WWTR1: variants seen among roughly 807,000 people sequenced by gnomAD.
WWTR1 encodes the protein WW domain-containing transcription regulator protein 1.
Under a neutral mutation model 40.1 loss-of-function variants are expected in WWTR1, and 13 were observed. That is an observed-to-expected ratio of 0.32 (90% CI 0.21 to 0.52). WWTR1 has a LOEUF of 0.52. Among genes scored for constraint, WWTR1 ranks in the 20% least tolerant of loss-of-function variants. WWTR1 has a pLI of 0.97. For synonymous variants in WWTR1, 230 were observed against 210.1 expected (o/e 1.09, Z -0.82); for missense variants, 436 against 523.1 (o/e 0.83, Z 1.63).
At chr3:149,577,717 C>T (rs1737952072) in intron 2 of WWTR1, among the ~76,000 whole-genome samples, 1 of 152,110 alleles carries the variant, frequency 6.6e-6, no homozygotes, top group Non-Finnish European at 1.5e-5. Flanking sequence ...ATATTTTCCT[C>T]CAGAAAGACG....
chr3:149,591,859 C>T (rs1232178823), intron 2 of WWTR1, among the ~76,000 whole-genome samples: 1 of 152,028 alleles, frequency 6.6e-6, no homozygotes, highest in Admixed American at 6.6e-5. Flanking sequence ...CAAATGTTAT[C>T]ATATGTTGCC....
intron 2 of WWTR1, among the ~76,000 whole-genome samples, chr3:149,645,175 GT>G (rs1712432942): frequency 6.6e-6 from 1 of 151,826 alleles, no homozygotes; most frequent in Non-Finnish European, 1.5e-5. Flanking sequence ...TGCCTCCCAG[GT>G]TCGCGCCATT....
At chr3:149,640,250 C>T (rs535169478) in intron 2 of WWTR1, among the ~76,000 whole-genome samples, 70 of 152,242 alleles carry the variant, frequency 4.6e-4, no homozygotes, top group African/African-American at 1.7e-3. Context: ...ACCCAATCTC[C>T]TCTGCTCAAA....
intron 2 of WWTR1, among the ~76,000 whole-genome samples, chr3:149,587,934 T>C (rs548622434): frequency 3.3e-4 from 50 of 152,308 alleles, no homozygotes; most frequent in African/African-American, 1.2e-3. Context: ...GGTACCATCT[T>C]TCTGAAGAGC....
chr3:149,683,811 A>C (rs1478624656), intron 1 of WWTR1, among the ~76,000 whole-genome samples: 1 of 152,212 alleles, frequency 6.6e-6, no homozygotes, highest in African/African-American at 2.4e-5. Flanking sequence ...CCAAGGGAGA[A>C]GCATGACAGC....
chr3:149,530,533 A>C (rs1210370173), intron 4 of WWTR1, among the ~76,000 whole-genome samples: 1 of 151,820 alleles, frequency 6.6e-6, no homozygotes, highest in Non-Finnish European at 1.5e-5. Flanking sequence ...ATATAAAATA[A>C]ATAGTTCTAA....
At chr3:149,593,366 T>C (rs947672693) in intron 2 of WWTR1, among the ~76,000 whole-genome samples, 8 of 152,112 alleles carry the variant, frequency 5.3e-5, no homozygotes, top group Admixed American at 2.0e-4. Flanking sequence ...TGATTGTACA[T>C]GCCCTCGTCT....
At position 149,576,023 on chromosome 3, in the gene WWTR1, G is replaced by A. The variant is rs1226616987; in HGVS notation, c.432-3023C>T. 4 of 456,736 alleles carry A rather than the reference G, an allele frequency of 8.8e-6. No individual in the cohort carries two copies. In the East Asian group the frequency reaches 2.1e-4, roughly 24 times the overall value. The allele number at this position is 456,736 out of a possible 1,614,324, so 28.3% of individuals were successfully genotyped here. A position where few individuals can be genotyped will look rare whatever the true frequency, so the allele number is the denominator to read the frequency against. ...TTCCCAGTGGATTTGTTAATTAAAA[G>A]TGTCACTCACAGCATTCCCCAAAGG... On this transcript the variant is annotated intron_variant, in intron 2 of 6. Transcript: ENST00000360632.
intron 2 of WWTR1, among the ~76,000 whole-genome samples, chr3:149,652,499 T>C (rs562718634): frequency 4.3e-4 from 65 of 150,546 alleles, no homozygotes; most frequent in African/African-American, 1.5e-3. Flanking sequence ...GGTGCAAACC[T>C]ATAGTCGTAG....
At chr3:149,521,811 C>T (rs1301682433) in intron 6 of WWTR1, among the ~76,000 whole-genome samples, 1 of 152,100 alleles carries the variant, frequency 6.6e-6, no homozygotes, top group African/African-American at 2.4e-5. Flanking sequence ...GTCATTAGAT[C>T]GAGCTTTGTG....
At position 149,526,007 on chromosome 3, in the gene WWTR1, T is replaced by C. The variant is rs551710250; in HGVS notation, c.1018+6A>G. ...CATTGTAAGTGCTTGCAGGCTTTGC[T>C]CCTACCTGTATCCATCTCATCCACA... On this transcript the variant is annotated splice_donor_region_variant and intron_variant, in intron 6 of 6. Transcript: ENST00000360632. 11 of 1,570,094 alleles carry C rather than the reference T, an allele frequency of 7.0e-6. No individual in the cohort carries two copies. The Admixed American group carries it at 1.6e-4, about 23-fold the overall frequency.
intron 5 of WWTR1, among the ~76,000 whole-genome samples, chr3:149,711,490 T>G (rs1423493048): frequency 6.6e-6 from 1 of 152,180 alleles, no homozygotes. Flanking sequence ...TACTAGAGCT[T>G]ACTTTATTTT....
intron 1 of WWTR1, among the ~76,000 whole-genome samples, chr3:149,696,704 A>G (rs769034358): frequency 1.3e-5 from 2 of 152,152 alleles, no homozygotes; most frequent in African/African-American, 4.8e-5. Flanking sequence ...TCAGGCTGCT[A>G]TGGGTTCTCC....
At chr3:149,674,357 G>A (rs575590243) in intron 1 of WWTR1, among the ~76,000 whole-genome samples, 5 of 152,240 alleles carry the variant, frequency 3.3e-5, no homozygotes, top group African/African-American at 9.6e-5. Context: ...GGGAGGCCGA[G>A]GCAGGCGGAT....
intron 1 of WWTR1, among the ~76,000 whole-genome samples, chr3:149,700,399 A>G (rs540326905): frequency 6.6e-6 from 1 of 152,296 alleles, no homozygotes; most frequent in South Asian, 2.1e-4. Context: ...AAAGCCTAGC[A>G]TGGTACCATT....
At chr3:149,642,963 G>C (rs558710937) in intron 2 of WWTR1, among the ~76,000 whole-genome samples, 1 of 152,122 alleles carries the variant, frequency 6.6e-6, no homozygotes, top group South Asian at 2.1e-4. Flanking sequence ...TCTTAATCCC[G>C]CCTACTAAAT....
At chr3:149,645,482 T>C (rs1712466804) in intron 2 of WWTR1, among the ~76,000 whole-genome samples, 1 of 152,358 alleles carries the variant, frequency 6.6e-6, no homozygotes, top group African/African-American at 2.4e-5. Flanking sequence ...TACTTTTCAC[T>C]TTATAACTTT....
Position 149,592,479 on chromosome 3 carries a change from G to A in WWTR1, c.432-19479C>T, listed in dbSNP as rs567086268. Among the ~76,000 whole-genome samples, 40 of 152,262 alleles carry A rather than the reference G, an allele frequency of 2.6e-4. No individual in the cohort carries two copies. In the South Asian group the frequency reaches 7.9e-3, roughly 30 times the overall value. On this transcript the variant is annotated intron_variant, in intron 2 of 6. Transcript: ENST00000360632. ...TCCTATCCAAAGGCACTGAATAAAT[G>A]TAAGTACAATGCTATGAAGCCCTGA...
chr3:149,684,710 T>C (rs79661574), intron 1 of WWTR1, among the ~76,000 whole-genome samples: 3,231 of 152,266 alleles, frequency 0.021, 65 homozygotes, highest in South Asian at 0.092. Context: ...ACTATAGTTG[T>C]GTGCTATCAC....
Sources: allele counts gnomAD v4.1 joint callset (sites outside exome capture counted in the v4.1 genomes callset), GRCh38; gene constraint gnomAD v4.1.1; transcripts MANE v1.5; gene names NCBI Gene and HGNC (gene_info 2026-07-23, HGNC 2026-07-21).